TMCO6: variants seen among roughly 807,000 people sequenced by gnomAD.
The protein encoded by TMCO6 is transmembrane and coiled-coil domain-containing protein 6.
Under a neutral mutation model 61.8 loss-of-function variants are expected in TMCO6, and 47 were observed. The ratio of observed to expected loss-of-function variants is 0.76; its 90% CI spans 0.60 to 0.97. The LOEUF is 0.97. TMCO6 is among the 50% of genes least tolerant of loss of function. The probability of loss-of-function intolerance (pLI) is 0.00; values close to 1 mark genes in which losing one functional copy is unlikely to be tolerated. For missense variants in TMCO6, 557 were observed against 601.6 expected (o/e 0.93, Z 0.78); for synonymous variants, 261 against 254.2 (o/e 1.03, Z -0.25).
At chr5:140,606,512 C>T in the TMCO6 span, among the ~76,000 whole-genome samples, 1 of 151,980 alleles carries the variant, frequency 6.6e-6, no homozygotes, top group African/African-American at 2.4e-5. Flanking sequence ...TATCTATGCT[C>T]TAATTTTTAA....
chr5:140,640,751 A>G (rs1184407544), intron 2 of TMCO6, among the ~76,000 whole-genome samples: 1 of 152,032 alleles, frequency 6.6e-6, no homozygotes, highest in Admixed American at 6.5e-5. Flanking sequence ...GTCTATTGTT[A>G]TTTCTCCAAC....
the TMCO6 span, chr5:140,633,216 A>T: frequency 9.8e-7 from 1 of 1,021,466 alleles, no homozygotes; most frequent in East Asian, 2.6e-5. Context: ...TAATCCTGGG[A>T]TGTCATTCAG....
At chr5:140,604,734 G>A in the TMCO6 span, among the ~76,000 whole-genome samples, 1 of 145,082 alleles carries the variant, frequency 6.9e-6, no homozygotes, top group African/African-American at 2.5e-5. Flanking sequence ...TCTATTTTGA[G>A]TTAATTTTTG....
chr5:140,632,172 C>T, the TMCO6 span: 1 of 1,614,018 alleles, frequency 6.2e-7, no homozygotes, highest in Admixed American at 1.7e-5. This position sits in a 1 kb window ranked among gnomAD's most constrained non-coding sequence, Gnocchi z 6.2. Context: ...CCACATGCAT[C>T]TCGGAGCGCT....
chr5:140,621,012 C>CA, the TMCO6 span, among the ~76,000 whole-genome samples: 48 of 139,886 alleles, frequency 3.4e-4, no homozygotes, highest in Middle Eastern at 3.7e-3. Context: ...GAACCCATCT[C>CA]AAAAAAAAAA....
the TMCO6 span, among the ~76,000 whole-genome samples, chr5:140,619,008 G>A: frequency 6.6e-6 from 1 of 152,108 alleles, no homozygotes; most frequent in Non-Finnish European, 1.5e-5. Context: ...CTCTATGAAA[G>A]ACATTGCCAA....
the TMCO6 span, among the ~76,000 whole-genome samples, chr5:140,604,425 T>C: frequency 2.0e-5 from 3 of 151,626 alleles, no homozygotes; most frequent in Non-Finnish European, 4.4e-5. Flanking sequence ...AATTGGATTG[T>C]CTTTGTTGTT....
the TMCO6 span, among the ~76,000 whole-genome samples, chr5:140,620,832 G>A: frequency 6.6e-6 from 1 of 152,090 alleles, no homozygotes; most frequent in Non-Finnish European, 1.5e-5. Flanking sequence ...GCAACATAGT[G>A]AGACCTTGCC....
chr5:140,631,788 T>C, the TMCO6 span: 1 of 1,433,686 alleles, frequency 7.0e-7, no homozygotes, highest in South Asian at 1.4e-5. Flanking sequence ...CGAAAAGTCC[T>C]CAACGTCCTG....
chr5:140,620,411 G>A, the TMCO6 span, among the ~76,000 whole-genome samples: 1 of 152,192 alleles, frequency 6.6e-6, no homozygotes, highest in Admixed American at 6.5e-5. Context: ...AAGCCTTTTA[G>A]GGCAGTGAAA....
the TMCO6 span, among the ~76,000 whole-genome samples, chr5:140,613,903 G>T: frequency 1.0e-4 from 15 of 148,824 alleles, no homozygotes; most frequent in African/African-American, 1.5e-4. Flanking sequence ...TGTTGTTGTT[G>T]TTGTTGTTGT....
At chr5:140,612,146 T>C in the TMCO6 span, among the ~76,000 whole-genome samples, 1 of 152,050 alleles carries the variant, frequency 6.6e-6, no homozygotes, top group Admixed American at 6.6e-5. Context: ...GAAAAGGAAG[T>C]CCTACAACCA....
At chr5:140,638,488 A>G (rs1269692423), upstream of TMCO6, among the ~76,000 whole-genome samples, 2 of 152,072 alleles carry the variant, frequency 1.3e-5, no homozygotes, top group Non-Finnish European at 2.9e-5. Context: ...GAGTACTATG[A>G]ATTAAAGAAT....
the TMCO6 span, among the ~76,000 whole-genome samples, chr5:140,630,361 T>G: frequency 6.6e-6 from 1 of 152,166 alleles, no homozygotes; most frequent in Non-Finnish European, 1.5e-5. Context: ...ACTACTGCCT[T>G]AGTCAGCTCA....
At chr5:140,627,986 A>T in the TMCO6 span, among the ~76,000 whole-genome samples, 1 of 151,558 alleles carries the variant, frequency 6.6e-6, no homozygotes, top group African/African-American at 2.4e-5. Flanking sequence ...GTTGTTGAGG[A>T]TTGATATGTA....
At chr5:140,643,166 T>C (rs1227627403) in intron 7 of TMCO6, 125 bp downstream of exon 7, 4 of 1,401,210 alleles carry the variant, frequency 2.9e-6, no homozygotes, top group Non-Finnish European at 3.9e-6. Flanking sequence ...TCTTCTCTTT[T>C]TGGAGCCCAG....
chr5:140,605,695 ACACACACACACAC>A, the TMCO6 span, among the ~76,000 whole-genome samples: 3 of 63,026 alleles, frequency 4.8e-5, no homozygotes, highest in African/African-American at 1.9e-4. Flanking sequence ...AAAACAAAAC[ACACACACACACAC>A]ACACACACAC....
rs1757072133 is a variant in TMCO6 at position 140,642,023 on chromosome 5, C to G, written c.468C>G (p.Thr156=). 1.2e-6 allele frequency: 2 copies of G among 1,611,660 alleles called. No homozygotes were observed. Among genetic ancestry groups the G allele is most frequent in the African/African-American group, 2.7e-5 (2 of 74,916 alleles). ...ACLPATSYLL[T]YLSSHSSDFI... ...TGCCAGCCACTTCTTACCTCCTCAC[C>G]TACCTCTCCAGTCACAGCTCAGACT... The change falls in exon 4 of 12, where the codon ACC becomes ACG. Residue 156 remains threonine, a synonymous_variant. Coordinates refer to ENST00000394671, the MANE Select transcript of TMCO6 (RefSeq NM_018502.5).
chr5:140,628,430 GCTTTT>G, the TMCO6 span, among the ~76,000 whole-genome samples: 1 of 151,742 alleles, frequency 6.6e-6, no homozygotes, highest in South Asian at 2.1e-4. Flanking sequence ...GCACTTTACG[GCTTTT>G]CTTTTCTTTT....
Sources: allele counts gnomAD v4.1 joint callset (sites outside exome capture counted in the v4.1 genomes callset), GRCh38; gene constraint gnomAD v4.1.1; non-coding constraint Gnocchi (gnomAD v3.1); transcripts MANE v1.5; gene names NCBI Gene and HGNC (gene_info 2026-07-23, HGNC 2026-07-21).